The following COX7B2 variants were observed in gnomAD, a reference collection of about 807,000 sequenced individuals.
The protein encoded by COX7B2 is cytochrome c oxidase subunit 7B2, mitochondrial.
For synonymous variants in COX7B2, 37 were observed against 32.1 expected, an observed-to-expected ratio of 1.15 and a Z score of -0.51; for missense variants, 109 against 95.9, an observed-to-expected ratio of 1.14 and a Z score of -0.57.
chr4:46,888,453 C>CT (rs1025718621), intron 1 of COX7B2, among the ~76,000 whole-genome samples: 5 of 138,396 alleles, frequency 3.6e-5, no homozygotes, highest in African/African-American at 1.1e-4. Context: ...TTTTTTTTTT[C>CT]TTTTTTTTGA....
chr4:46,863,805 T>C (rs937272664), intron 1 of COX7B2, among the ~76,000 whole-genome samples: 2 of 152,226 alleles, frequency 1.3e-5, no homozygotes, highest in East Asian at 3.9e-4. Flanking sequence ...CAGGATAACT[T>C]GATTTTATAC....
intron 2 of COX7B2, among the ~76,000 whole-genome samples, chr4:46,789,511 C>T (rs1051046112): frequency 6.6e-6 from 1 of 152,050 alleles, no homozygotes; most frequent in African/African-American, 2.4e-5. Context: ...TCACGATTAC[C>T]GTGGAAATCC....
At chr4:46,887,710 CAAAAAAAAA>C (rs564556459) in intron 1 of COX7B2, among the ~76,000 whole-genome samples, 1 of 41,660 alleles carries the variant, frequency 2.4e-5, no homozygotes, top group Admixed American at 2.5e-4. Context: ...GACTCCTTCT[CAAAAAAAAA>C]AAAAAAAAAA....
chr4:46,783,182 G>T (rs1459863786), intron 2 of COX7B2, among the ~76,000 whole-genome samples: 1 of 152,158 alleles, frequency 6.6e-6, no homozygotes, highest in Non-Finnish European at 1.5e-5. Flanking sequence ...GATTTGAGTG[G>T]AATATTGCAA....
intron 2 of COX7B2, among the ~76,000 whole-genome samples, chr4:46,739,716 G>A (rs1018344639): frequency 3.9e-5 from 6 of 152,060 alleles, no homozygotes; most frequent in African/African-American, 7.2e-5. Flanking sequence ...CAGAGATGGA[G>A]AAGCAAAACG....
intron 1 of COX7B2, among the ~76,000 whole-genome samples, chr4:46,878,136 C>T (rs1718462300): frequency 6.6e-6 from 1 of 151,474 alleles, no homozygotes; most frequent in South Asian, 2.1e-4. Context: ...GTAAAATAAG[C>T]CAGACACAGA....
chr4:46,891,564 T>A lies in COX7B2; in HGVS notation c.-105+17596A>T, dbSNP rs747940668. ...TACTTCTTAAAGTTTCCATGTCTTG[T>A]TTCTGATCTCAGAGCCCTGGTGGAA... On this transcript the variant is annotated intron_variant, in intron 1 of 2. Coordinates refer to ENST00000355591, the MANE Select transcript of COX7B2 (RefSeq NM_130902.3). Among the ~76,000 whole-genome samples the A allele has an allele frequency of 3.3e-5, 5 of 152,318 alleles. No homozygotes were observed. The South Asian group carries it at 8.3e-4, about 25-fold the overall frequency.
intron 2 of COX7B2, among the ~76,000 whole-genome samples, chr4:46,767,884 C>T (rs1716638324): frequency 6.6e-6 from 1 of 152,222 alleles, no homozygotes; most frequent in Admixed American, 6.5e-5. Context: ...GTTCCCTTGA[C>T]CCTTGAAGGT....
At chr4:46,876,307 A>AT (rs1718328365) in intron 1 of COX7B2, among the ~76,000 whole-genome samples, 1 of 152,208 alleles carries the variant, frequency 6.6e-6, no homozygotes, top group African/African-American at 2.4e-5. Context: ...TAAATATACC[A>AT]GATGGTGATA....
intron 2 of COX7B2, among the ~76,000 whole-genome samples, chr4:46,782,270 A>C (rs1717505567): frequency 6.6e-6 from 1 of 151,722 alleles, no homozygotes; most frequent in South Asian, 2.1e-4. Flanking sequence ...GAGAACTTTT[A>C]TGTCTAGCCA....
chr4:46,849,514 T>C lies in COX7B2; in HGVS notation c.-104-4500A>G, dbSNP rs147600927. On this transcript the variant is annotated intron_variant, in intron 1 of 2. Transcript: ENST00000355591. Reference sequence around the variant, plus strand: ...ATGGATAGTATATGCTCAATAAGCATTGACTGATTAGCAGCTTTCCAAAAT... The same window carrying C: ...ATGGATAGTATATGCTCAATAAGCACTGACTGATTAGCAGCTTTCCAAAAT... Among the ~76,000 whole-genome samples, 1,178 of 152,160 alleles carry C rather than the reference T, an allele frequency of 7.7e-3. 17 individuals carry two copies. Among genetic ancestry groups the C allele is most frequent in the African/African-American group, 0.027 (1,134 of 41,528 alleles).
At chr4:46,856,547 G>A (rs77933232) in intron 1 of COX7B2, among the ~76,000 whole-genome samples, 104 of 152,226 alleles carry the variant, frequency 6.8e-4, no homozygotes, top group African/African-American at 2.3e-3. Flanking sequence ...TCCTCCCATA[G>A]TGACTCATTC....
At chr4:46,882,638 C>T (rs375980341) in intron 1 of COX7B2, among the ~76,000 whole-genome samples, 14 of 152,132 alleles carry the variant, frequency 9.2e-5, no homozygotes, top group African/African-American at 3.1e-4. Flanking sequence ...GTTTTCTGAT[C>T]GCTGGGTAGA....
chr4:46,824,190 C>CA (rs1175614856), intron 2 of COX7B2, among the ~76,000 whole-genome samples: 3 of 151,988 alleles, frequency 2.0e-5, no homozygotes, highest in South Asian at 2.1e-4. Flanking sequence ...CTACCATTAC[C>CA]AAAAAAAGCC....
chr4:46,804,196 G>C (rs533568750), intron 2 of COX7B2, among the ~76,000 whole-genome samples: 1 of 152,164 alleles, frequency 6.6e-6, no homozygotes, highest in East Asian at 1.9e-4. Context: ...GAGTGAAGCC[G>C]CAGACCTTCA....
chr4:46,812,936 C>A (rs146537567), intron 2 of COX7B2, among the ~76,000 whole-genome samples: 1 of 152,100 alleles, frequency 6.6e-6, no homozygotes, highest in Non-Finnish European at 1.5e-5. Context: ...ACCTATTGCA[C>A]AGGGCAGGGG....
At chr4:46,747,179 A>T (rs945754931) in intron 2 of COX7B2, among the ~76,000 whole-genome samples, 4 of 151,912 alleles carry the variant, frequency 2.6e-5, no homozygotes, top group Non-Finnish European at 4.4e-5. Context: ...TCCATTAGTT[A>T]TTTTTCCTAA....
At chr4:46,860,845 G>A (rs1349860137) in intron 1 of COX7B2, among the ~76,000 whole-genome samples, 2 of 152,132 alleles carry the variant, frequency 1.3e-5, no homozygotes, top group Non-Finnish European at 2.9e-5. Flanking sequence ...TGTTGTGAGG[G>A]GACCCTGAGA....
chr4:46,766,885 C>A (rs532717923), intron 2 of COX7B2, among the ~76,000 whole-genome samples: 2 of 152,074 alleles, frequency 1.3e-5, no homozygotes, highest in South Asian at 2.1e-4. Flanking sequence ...AGAAAAGAAT[C>A]AAAGCCTACT....
Sources: gnomAD v4.1 joint callset for allele counts (sites outside exome capture counted in the v4.1 genomes callset) on GRCh38, gnomAD v4.1.1 for gene constraint, MANE v1.5 for transcripts, NCBI Gene and HGNC (gene_info 2026-07-23, HGNC 2026-07-21) for gene names.